PI4KA: variants seen among roughly 807,000 people sequenced by gnomAD.
PI4KA encodes phosphatidylinositol 4-kinase alpha.
A neutral mutation model predicts 271.4 loss-of-function variants in PI4KA; 122 were observed. That is an observed-to-expected ratio of 0.45 (90% confidence interval 0.39 to 0.52). PI4KA has a LOEUF of 0.52. Ranked by LOEUF, PI4KA falls within the 20% of genes least tolerant of loss-of-function variation. PI4KA has a pLI of 0.00. For missense variants in PI4KA, 1,969 were observed against 2,769.1 expected, an observed-to-expected ratio of 0.71 and a Z score of 6.48; for synonymous variants, 1,041 against 1,078.8, an observed-to-expected ratio of 0.96 and a Z score of 0.69.
chr22:20,709,513 A>G lies in PI4KA; in HGVS notation c.6174-134T>C, dbSNP rs554858167. On this transcript the variant is annotated intron_variant, in intron 53 of 54. Transcript: ENST00000255882. The stretch of plus-strand genomic sequence containing the variant: ...CTGGAAATGTACCTTTGGGGTCCAC[A>G]TGTTGGAAGATGGGGTGCTGTGAAG... 4.1e-5 allele frequency: 28 copies of G among 681,260 alleles called. 2 individuals carry two copies. Among genetic ancestry groups the G allele is most frequent in the South Asian group, 3.4e-4 (21 of 61,400 alleles). The allele number at this position is 681,260 out of a possible 1,614,324, so 42.2% of individuals were successfully genotyped here.
intron 19 of PI4KA, among the ~76,000 whole-genome samples, chr22:20,768,270 C>T (rs911467907): frequency 2.4e-4 from 36 of 152,056 alleles, no homozygotes; most frequent in Admixed American, 2.4e-3. Context: ...AAGGCTCTCA[C>T]TATGTTGCCC....
intron 7 of PI4KA, among the ~76,000 whole-genome samples, chr22:20,817,052 A>C (rs991998812): frequency 1.3e-5 from 2 of 152,202 alleles, no homozygotes; most frequent in African/African-American, 4.8e-5. Context: ...TGTCTCTAAG[A>C]GGTGCGATTC....
intron 52 of PI4KA, 168 bp downstream of exon 52, chr22:20,710,531 A>G: frequency 3.0e-6 from 2 of 661,442 alleles, no homozygotes; most frequent in Non-Finnish European, 5.4e-6. Context: ...GCAAGAATTT[A>G]CTGGCACAGG....
intron 11 of PI4KA, among the ~76,000 whole-genome samples, 200 bp downstream of exon 11, chr22:20,804,774 T>C (rs1208548210): frequency 6.6e-6 from 1 of 152,188 alleles, no homozygotes; most frequent in African/African-American, 2.4e-5. Flanking sequence ...TCCAGTGCCC[T>C]CCATGCAGGA....
At chr22:20,784,118 C>A (rs1347634212) in intron 19 of PI4KA, 4 of 1,614,180 alleles carry the variant, frequency 2.5e-6, no homozygotes, top group Non-Finnish European at 3.4e-6. Context: ...CGACATCCTC[C>A]AGCTGGAATA....
chr22:20,805,206 A>G (rs947753457), intron 10 of PI4KA, 41 bp from the exon 11 acceptor site: 1 of 1,355,384 alleles, frequency 7.4e-7, no homozygotes, highest in Non-Finnish European at 1.0e-6. Context: ...GAACAAAACT[A>G]CAGTAGAACA....
chr22:20,838,510 G>A (rs112778214), intron 2 of PI4KA, 105 bp downstream of exon 2: 2 of 716,008 alleles, frequency 2.8e-6, no homozygotes, highest in Admixed American at 2.3e-5. Flanking sequence ...AGGTTCAAAT[G>A]TATTCTTCTA....
In PI4KA at chr22:20,805,786, C is replaced by T. The variant is rs1419652958; in HGVS notation, c.1169-621G>A. Among the ~76,000 whole-genome samples, 4 of 147,140 alleles carry T rather than the reference C, an allele frequency of 2.7e-5. No individual in the cohort carries two copies. The East Asian group carries it at 6.0e-4, about 22-fold the overall frequency. ...GGCGGAGCTTGCAGTGAGCCAAGATCGTGCCACTGCATTCCAGCGTGGGCG... is the reference window on the plus strand; with the variant it reads ...GGCGGAGCTTGCAGTGAGCCAAGATTGTGCCACTGCATTCCAGCGTGGGCG... On this transcript the variant is annotated intron_variant, in intron 10 of 54. Coordinates refer to ENST00000255882, the MANE Select transcript of PI4KA (RefSeq NM_058004.4).
chr22:20,840,685 T>C (rs1215306870), intron 1 of PI4KA, among the ~76,000 whole-genome samples: 2 of 152,044 alleles, frequency 1.3e-5, no homozygotes, highest in African/African-American at 2.4e-5. Flanking sequence ...ATGGACAGGA[T>C]ATGGGAGAGA....
intron 9 of PI4KA, among the ~76,000 whole-genome samples, chr22:20,808,443 A>C (rs1337963795): frequency 6.6e-6 from 1 of 150,994 alleles, no homozygotes; most frequent in African/African-American, 2.4e-5. Context: ...AATACAAAAA[A>C]TTAGCCGGGC....
intron 3 of PI4KA, among the ~76,000 whole-genome samples, chr22:20,828,952 T>C (rs1027862866): frequency 6.6e-6 from 1 of 152,226 alleles, no homozygotes; most frequent in Non-Finnish European, 1.5e-5. Flanking sequence ...GTTCTGTTTC[T>C]GCCATGAATC....
Position 20,714,703 on chromosome 22 carries a change from G to T in PI4KA, c.5318-3C>A. ...AGGGTTGCTGGGCAGGTAGCAGCCT[G>T]TGCAGGGACAGAGGCAGTCACAGGG... On this transcript the variant is annotated splice_polypyrimidine_tract_variant and splice_region_variant and intron_variant, in intron 45 of 54. Transcript: ENST00000255882. 6.2e-7 allele frequency: 1 copy of T among 1,613,600 alleles called. No individual in the cohort carries two copies. Among genetic ancestry groups the T allele is most frequent in the Non-Finnish European group, 8.5e-7 (1 of 1,179,714 alleles).
chr22:20,715,921 C>T (rs1925943033), intron 45 of PI4KA, among the ~76,000 whole-genome samples: 1 of 151,530 alleles, frequency 6.6e-6, no homozygotes, highest in Admixed American at 6.6e-5. Context: ...GATAGAGTCT[C>T]ACTCTGTCAC....
At chr22:20,856,734 T>C (rs1927647466) in intron 1 of PI4KA, among the ~76,000 whole-genome samples, 2 of 152,164 alleles carry the variant, frequency 1.3e-5, no homozygotes. Context: ...TGCCCCATCA[T>C]AAAATATAAT....
At chr22:20,784,307 T>C (rs984515486) in intron 19 of PI4KA, 3 of 1,605,236 alleles carry the variant, frequency 1.9e-6, no homozygotes, top group Non-Finnish European at 2.6e-6. Context: ...CTGGGAATAC[T>C]GGAAAATGGA....
At chr22:20,783,365 G>A (rs992616191) in intron 19 of PI4KA, among the ~76,000 whole-genome samples, 8 of 151,806 alleles carry the variant, frequency 5.3e-5, no homozygotes, top group African/African-American at 1.7e-4. Context: ...GGAAGGCTGA[G>A]GCAGGAGGAT....
chr22:20,796,108 G>A (rs769587547), intron 18 of PI4KA, 38 bp downstream of exon 18: 22 of 1,583,982 alleles, frequency 1.4e-5, no homozygotes, highest in South Asian at 4.4e-5. Flanking sequence ...GCAGGGATAG[G>A]ACACTGATGG....
rs1186200615 is a variant in PI4KA at position 20,838,637 on chromosome 22, A to C, written c.251T>G (p.Phe84Cys). 6.2e-7 allele frequency: 1 copy of C among 1,607,888 alleles called. No homozygotes were observed. Among genetic ancestry groups the C allele is most frequent in the African/African-American group, 1.3e-5 (1 of 74,910 alleles). Residue 84 changes from phenylalanine (F) to cysteine (C), a missense_variant, in exon 2 of 55, where the codon TTT (phenylalanine) becomes TGT (cysteine). Phe to Cys is a radical substitution (Grantham distance 205, BLOSUM62 -2). Transcript: ENST00000255882. ...TACCTGAAGATCAGATTCAATCAGA[A>C]AAATGCCCAATGCAATCACTGCATC... ...RRDAVIALGI[F>C]LIESDLQHKD...
chr22:20,814,801 A>T (rs1238193366), intron 7 of PI4KA, among the ~76,000 whole-genome samples: 1 of 147,970 alleles, frequency 6.8e-6, no homozygotes, highest in Non-Finnish European at 1.5e-5. Flanking sequence ...TTACCACAAT[A>T]AAAAAAAAAG....
Sources: allele counts gnomAD v4.1 joint callset (sites outside exome capture counted in the v4.1 genomes callset), GRCh38; gene constraint gnomAD v4.1.1; transcripts MANE v1.5; gene names NCBI Gene and HGNC (gene_info 2026-07-23, HGNC 2026-07-21).